The following CALN1 variants were observed in gnomAD, a reference collection of about 807,000 sequenced individuals.
CALN1 encodes the protein calneuron 1.
Under a neutral mutation model 30.6 loss-of-function variants are expected in CALN1, and 17 were observed. The observed-to-expected ratio is 0.56, with a 90% CI of 0.38 to 0.83. The LOEUF (loss-of-function observed/expected upper bound fraction) is 0.83, where lower values mean the gene tolerates loss of function less well. Among genes scored for constraint, CALN1 ranks in the 40% least tolerant of loss-of-function variants. CALN1 has a pLI of 0.00. For missense variants in CALN1, 291 were observed against 354.9 expected, an observed-to-expected ratio of 0.82 and a Z score of 1.45; for synonymous variants, 156 against 131.4, an observed-to-expected ratio of 1.19 and a Z score of -1.28.
At chr7:71,912,004 G>A (rs1794449108) in intron 5 of CALN1, among the ~76,000 whole-genome samples, 1 of 151,876 alleles carries the variant, frequency 6.6e-6, no homozygotes, top group African/African-American at 2.4e-5. Context: ...CTATGGTCAG[G>A]GGGCAGTCTC....
intron 5 of CALN1, among the ~76,000 whole-genome samples, chr7:71,944,594 C>CAAAAAAAA (rs10677940): frequency 7.0e-4 from 42 of 60,004 alleles, no homozygotes; most frequent in African/African-American, 9.3e-4. Context: ...AACTCCATCC[C>CAAAAAAAA]AAAAAAAAAA....
chr7:72,347,116 A>G (rs1802686758), intron 2 of CALN1, among the ~76,000 whole-genome samples: 1 of 152,224 alleles, frequency 6.6e-6, no homozygotes, highest in Non-Finnish European at 1.5e-5. Context: ...TTCCAAAACC[A>G]ATAAAGACAT....
chr7:72,402,952 C>T (rs1806440604), intron 2 of CALN1, among the ~76,000 whole-genome samples: 1 of 152,158 alleles, frequency 6.6e-6, no homozygotes, highest in Non-Finnish European at 1.5e-5. Context: ...TATGCTAGTA[C>T]ATAGTCCACA....
intron 2 of CALN1, among the ~76,000 whole-genome samples, chr7:72,284,879 G>GTAGA (rs143392389): frequency 3.9e-5 from 6 of 152,106 alleles, no homozygotes; most frequent in South Asian, 2.1e-4. Flanking sequence ...AGGTAGGTAG[G>GTAGA]TAGATAGATA....
chr7:72,166,920 C>T (rs376141683), intron 3 of CALN1, among the ~76,000 whole-genome samples: 1 of 151,854 alleles, frequency 6.6e-6, no homozygotes, highest in Non-Finnish European at 1.5e-5. Context: ...GTGGCATGCA[C>T]CTATAGTCTC....
At chr7:72,064,786 A>G (rs1803902334) in intron 4 of CALN1, among the ~76,000 whole-genome samples, 1 of 152,110 alleles carries the variant, frequency 6.6e-6, no homozygotes, top group African/African-American at 2.4e-5. Context: ...TCAAAAATCC[A>G]TAATACTTCT....
At chr7:71,859,908 G>A (rs1378769067) in intron 5 of CALN1, among the ~76,000 whole-genome samples, 1 of 152,110 alleles carries the variant, frequency 6.6e-6, no homozygotes, top group Non-Finnish European at 1.5e-5. Flanking sequence ...TATGATTAAG[G>A]GAACAGATTG....
intron 2 of CALN1, among the ~76,000 whole-genome samples, chr7:72,393,905 G>A (rs941961428): frequency 2.0e-5 from 3 of 152,096 alleles, no homozygotes; most frequent in African/African-American, 7.2e-5. Flanking sequence ...ATGGGCCACC[G>A]TGCCTGGCCT....
chr7:72,375,771 T>C (rs1465561020), intron 2 of CALN1, among the ~76,000 whole-genome samples: 1 of 152,144 alleles, frequency 6.6e-6, no homozygotes, highest in Non-Finnish European at 1.5e-5. Flanking sequence ...CATGACTCAC[T>C]GTGCCTGGTC....
chr7:71,790,339 AAAG>A (rs1430891591), intron 6 of CALN1, among the ~76,000 whole-genome samples: 228 of 117,496 alleles, frequency 1.9e-3, no homozygotes, highest in African/African-American at 7.2e-3. Context: ...GGAAAGAAAG[AAAG>A]AAAGAAAAGA....
chr7:71,980,541 G>A (rs1798340785), intron 5 of CALN1, among the ~76,000 whole-genome samples: 2 of 152,094 alleles, frequency 1.3e-5, no homozygotes, highest in Non-Finnish European at 2.9e-5. Flanking sequence ...GTTCCTCATA[G>A]GGATATAGAA....
intron 3 of CALN1, among the ~76,000 whole-genome samples, chr7:72,205,566 A>ATATATATATATATATACG (rs1169550933): frequency 8.6e-6 from 1 of 115,664 alleles, no homozygotes; most frequent in African/African-American, 3.7e-5. Context: ...ATATATATAT[A>ATATATATATATATATACG]TGTATATATA....
chr7:72,466,866 A>AAG, the CALN1 span, among the ~76,000 whole-genome samples: 1 of 150,190 alleles, frequency 6.7e-6, no homozygotes, highest in African/African-American at 2.5e-5. Flanking sequence ...AAGAGAAAGA[A>AAG]AAAGAAAGAA....
At chr7:71,956,103 T>C (rs1438056932) in intron 5 of CALN1, among the ~76,000 whole-genome samples, 1 of 151,988 alleles carries the variant, frequency 6.6e-6, no homozygotes, top group East Asian at 1.9e-4. Flanking sequence ...TTCTCCTGCC[T>C]CAGCCTCCCA....
At chr7:72,180,739 C>A (rs895847821) in intron 3 of CALN1, among the ~76,000 whole-genome samples, 2 of 151,300 alleles carry the variant, frequency 1.3e-5, no homozygotes, top group African/African-American at 4.9e-5. Flanking sequence ...TCCCACGTAG[C>A]TGAAGGCTAC....
chr7:72,499,897 CTTTCTTTCTTTCTT>C, the CALN1 span, among the ~76,000 whole-genome samples: 6 of 45,056 alleles, frequency 1.3e-4, no homozygotes, highest in Non-Finnish European at 2.4e-4. Flanking sequence ...TTCTTTCTTT[CTTTCTTTCTTTCTT>C]TCTATCTTTC....
At chr7:72,000,130 T>A in intron 5 of CALN1, among the ~76,000 whole-genome samples, 1 of 150,040 alleles carries the variant, frequency 6.7e-6, no homozygotes, top group African/African-American at 2.5e-5. Context: ...AAAAGAACAA[T>A]ACAAAACAAA....
At chr7:72,160,963 CG>C (rs779135653) in intron 3 of CALN1, among the ~76,000 whole-genome samples, 7 of 152,120 alleles carry the variant, frequency 4.6e-5, no homozygotes, top group Admixed American at 2.0e-4. Flanking sequence ...GGGATGACCA[CG>C]GAACTCAATC....
intron 6 of CALN1, among the ~76,000 whole-genome samples, chr7:71,799,278 A>G (rs527564011): frequency 1.8e-4 from 27 of 152,006 alleles, no homozygotes; most frequent in African/African-American, 6.3e-4. Flanking sequence ...AGAAAAGGAG[A>G]CTCTCAATAT....
Sources: gnomAD v4.1 joint callset for allele counts (sites outside exome capture counted in the v4.1 genomes callset) on GRCh38, gnomAD v4.1.1 for gene constraint, MANE v1.5 for transcripts, NCBI Gene and HGNC (gene_info 2026-07-23, HGNC 2026-07-21) for gene names.